Variants in SVIL observed in about 807,000 individuals in gnomAD.
SVIL encodes the protein archvillin.
In SVIL, 101 loss-of-function variants were observed where a neutral mutation model predicts 240.4. That is an observed-to-expected ratio of 0.42 (90% CI 0.36 to 0.50). The LOEUF (loss-of-function observed/expected upper bound fraction) is 0.50. Ranked by LOEUF, SVIL falls within the 20% of genes least tolerant of loss-of-function variation. The probability of loss-of-function intolerance (pLI) is 0.01; values close to 1 mark genes in which losing one functional copy is unlikely to be tolerated. For synonymous variants in SVIL, 999 were observed against 1,100.0 expected (o/e 0.91, Z 1.82); for missense variants, 2,512 against 2,818.7 (o/e 0.89, Z 2.46).
chr10:29,673,576 G>A (rs922238106), intron 2 of SVIL, among the ~76,000 whole-genome samples: 7 of 124,404 alleles, frequency 5.6e-5, no homozygotes, highest in African/African-American at 2.6e-4. Flanking sequence ...CATGGCATTA[G>A]GGGGGAGAGA....
intron 18 of SVIL, chr10:29,496,388 T>C (rs774410895): frequency 4.0e-5 from 18 of 455,638 alleles, no homozygotes; most frequent in Middle Eastern, 6.5e-4. Flanking sequence ...GAGGGAAATC[T>C]TTACTCACTA....
intron 22 of SVIL, among the ~76,000 whole-genome samples, chr10:29,490,374 C>CT (rs1351666094): frequency 6.6e-6 from 1 of 152,294 alleles, no homozygotes; most frequent in Middle Eastern, 3.4e-3. Context: ...TGTTCAGGAT[C>CT]TACAGAGCTG....
chr10:29,581,848 A>G (rs1399979142), intron 1 of SVIL, among the ~76,000 whole-genome samples: 1 of 152,244 alleles, frequency 6.6e-6, no homozygotes, highest in Non-Finnish European at 1.5e-5. Flanking sequence ...TAAATTACAC[A>G]CTGAATATAC....
At chr10:29,519,281 C>T (rs759195525) in intron 16 of SVIL, among the ~76,000 whole-genome samples, 4 of 152,130 alleles carry the variant, frequency 2.6e-5, no homozygotes, top group Non-Finnish European at 5.9e-5. Context: ...GAGCGCACCG[C>T]GGTCTCACCA....
At chr10:29,512,948 T>C in intron 16 of SVIL, 87 bp from the exon 17 acceptor site, 1 of 1,521,204 alleles carries the variant, frequency 6.6e-7, no homozygotes, top group South Asian at 1.3e-5. Flanking sequence ...AGAGGCGGCT[T>C]GGGCCAAGAT....
At chr10:29,710,546 C>T (rs1346136193) in intron 1 of SVIL, among the ~76,000 whole-genome samples, 2 of 152,110 alleles carry the variant, frequency 1.3e-5, no homozygotes, top group African/African-American at 4.8e-5. Context: ...ATCTCACTGT[C>T]AAATTACTAT....
intron 32 of SVIL, among the ~76,000 whole-genome samples, chr10:29,468,547 T>A (rs950635921): frequency 6.6e-6 from 1 of 151,962 alleles, no homozygotes; most frequent in African/African-American, 2.4e-5. Flanking sequence ...GGGTTCCAAT[T>A]TTCACATCCT....
chr10:29,589,062 G>T (rs192744417), intron 1 of SVIL, among the ~76,000 whole-genome samples: 48 of 152,158 alleles, frequency 3.2e-4, no homozygotes, highest in Non-Finnish European at 4.4e-5. Flanking sequence ...CCTTTAAGTG[G>T]ATTGAGATGC....
intron 1 of SVIL, among the ~76,000 whole-genome samples, chr10:29,693,596 C>T (rs1961689938): frequency 6.6e-6 from 1 of 152,094 alleles, no homozygotes; most frequent in South Asian, 2.1e-4. Context: ...GCCAGGTGGG[C>T]GCCAGACCTC....
intron 1 of SVIL, among the ~76,000 whole-genome samples, chr10:29,589,462 G>A (rs373153800): frequency 1.8e-4 from 28 of 152,180 alleles, no homozygotes; most frequent in African/African-American, 3.9e-4. Context: ...CATGCAGCAC[G>A]GAACAGGCTG....
Position 29,457,360 on chromosome 10 carries a change from T to C in SVIL, c.*887A>G, listed in dbSNP as rs1943693579. The C allele has an allele frequency of 6.6e-6, 1 of 152,084 alleles. No individual in the cohort carries two copies. The highest frequency in any genetic ancestry group is 2.4e-5 in the African/African-American group (1 of 41,362). The allele number at this position is 152,084 out of a possible 1,614,324, so 9.4% of individuals were successfully genotyped here. A position where few individuals can be genotyped will look rare whatever the true frequency, so the allele number is the denominator to read the frequency against. On this transcript the variant is annotated 3_prime_UTR_variant, in exon 38 of 38. Coordinates refer to ENST00000355867, the MANE Select transcript of SVIL (RefSeq NM_021738.3). The stretch of plus-strand genomic sequence containing the variant: ...GAATTCAATGTGAACCAGTTAATTG[T>C]TGTGTTTATTCTGATACTTTTATTT...
At chr10:29,522,042 TATCTAAAAGGGG>T (rs1950590551) in intron 16 of SVIL, among the ~76,000 whole-genome samples, 1 of 152,138 alleles carries the variant, frequency 6.6e-6, no homozygotes, top group Non-Finnish European at 1.5e-5. Context: ...GAACCCTGTG[TATCTAAAAGGGG>T]AAGAGCCAAG....
intron 3 of SVIL, among the ~76,000 whole-genome samples, chr10:29,561,334 G>A (rs1954453139): frequency 6.6e-6 from 1 of 152,120 alleles, no homozygotes; most frequent in Non-Finnish European, 1.5e-5. Context: ...GAACCTTAAG[G>A]AACCCAGCAT....
intron 3 of SVIL, among the ~76,000 whole-genome samples, chr10:29,555,323 C>T (rs998249235): frequency 7.4e-6 from 1 of 136,042 alleles, no homozygotes; most frequent in Non-Finnish European, 1.6e-5. Context: ...GACACACACA[C>T]ACACACACAC....
chr10:29,588,518 G>A (rs1210033193), intron 1 of SVIL, among the ~76,000 whole-genome samples: 57 of 152,162 alleles, frequency 3.7e-4, no homozygotes, highest in East Asian at 1.9e-4. Context: ...AAAAATGGTT[G>A]CCTATTAAGG....
intron 1 of SVIL, among the ~76,000 whole-genome samples, chr10:29,612,062 T>TG (rs765995606): frequency 1.3e-5 from 2 of 152,068 alleles, no homozygotes; most frequent in African/African-American, 2.4e-5. Context: ...GCTCAGATGT[T>TG]GGCAGGACTC....
chr10:29,477,934 C>T (rs1217094334), intron 29 of SVIL, among the ~76,000 whole-genome samples: 1 of 152,220 alleles, frequency 6.6e-6, no homozygotes, highest in Non-Finnish European at 1.5e-5. Context: ...TTAATTAATT[C>T]ACTTTAACAG....
Position 29,717,101 on chromosome 10 carries a change from G to C in SVIL, c.-400+18650C>G, listed in dbSNP as rs1300937581. Among the ~76,000 whole-genome samples the C allele has an allele frequency of 2.6e-5, 4 of 151,882 alleles. No homozygotes were observed. The East Asian group carries it at 7.8e-4, about 29-fold the overall frequency. ...AACAAAAATTAGCCGGGCGTGGTGGGGGGCCCCTGTGGTCCCAGCTACTCG... is the reference window on the plus strand; with the variant it reads ...AACAAAAATTAGCCGGGCGTGGTGGCGGGCCCCTGTGGTCCCAGCTACTCG... On this transcript the variant is annotated intron_variant, in intron 1 of 35. Coordinates refer to the SVIL transcript ENST00000375400.
intron 1 of SVIL, chr10:29,602,335 T>A (rs375897437): frequency 5.7e-6 from 3 of 528,158 alleles, no homozygotes; most frequent in Non-Finnish European, 1.2e-5. Context: ...TAAGGGCACA[T>A]GGTACACCTT....
Sources: gnomAD v4.1 joint callset for allele counts (sites outside exome capture counted in the v4.1 genomes callset) on GRCh38, gnomAD v4.1.1 for gene constraint, MANE v1.5 for transcripts, NCBI Gene and HGNC (gene_info 2026-07-23, HGNC 2026-07-21) for gene names.